CPED1: variants seen among roughly 807,000 people sequenced by gnomAD.
CPED1 encodes cadherin-like and PC-esterase domain-containing protein 1.
CPED1 carries 114 observed loss-of-function variants against 128.2 expected under a neutral mutation model. That is an observed-to-expected ratio of 0.89 (90% CI 0.76 to 1.04). The LOEUF (loss-of-function observed/expected upper bound fraction) is 1.04. Among genes scored for constraint, CPED1 ranks in the 50% least tolerant of loss-of-function variants. The probability of loss-of-function intolerance (pLI) is 0.00; values close to 1 mark genes in which losing one functional copy is unlikely to be tolerated. For missense variants in CPED1, 1,211 were observed against 1,207.1 expected (o/e 1.00, Z -0.05); for synonymous variants, 462 against 426.7 (o/e 1.08, Z -1.02).
At chr7:121,191,950 TTGA>T (rs1265112573) in intron 16 of CPED1, among the ~76,000 whole-genome samples, 1 of 152,126 alleles carries the variant, frequency 6.6e-6, no homozygotes, top group African/African-American at 2.4e-5. Context: ...AAACACTTCC[TTGA>T]TGATAAGTGA....
At chr7:121,029,382 T>A (rs1792674874) in intron 3 of CPED1, among the ~76,000 whole-genome samples, 1 of 152,190 alleles carries the variant, frequency 6.6e-6, no homozygotes, top group Non-Finnish European at 1.5e-5. Flanking sequence ...TGTTTTAAGA[T>A]TGAGGACTTT....
chr7:121,244,355 G>T lies in CPED1; in HGVS notation c.2310+17G>T, dbSNP rs1798474055. The stretch of plus-strand genomic sequence containing the variant: ...GGAAGGAAGGTAGGTTCTGGATCTA[G>T]TGGGGGAAGCCTTTAATGTATGCCA... On this transcript the variant is annotated intron_variant, in intron 18 of 22. Transcript: ENST00000310396. 2 of 1,613,908 alleles carry T rather than the reference G, an allele frequency of 1.2e-6. No homozygotes were observed. Among genetic ancestry groups the T allele is most frequent in the African/African-American group, 2.7e-5 (2 of 75,064 alleles).
intron 6 of CPED1, among the ~76,000 whole-genome samples, chr7:121,098,745 A>T (rs5742169): frequency 0.073 from 2,481 of 33,956 alleles, 135 homozygotes; most frequent in East Asian, 0.23. Context: ...TATATATATA[A>T]AAATATATAA....
chr7:121,047,734 G>C (rs116431092), intron 4 of CPED1, among the ~76,000 whole-genome samples: 1 of 128,594 alleles, frequency 7.8e-6, no homozygotes, highest in Admixed American at 7.6e-5. Context: ...TTTTTGAGAC[G>C]TAATCTTGCT....
chr7:121,242,815 C>T (rs990307132), intron 17 of CPED1, among the ~76,000 whole-genome samples: 3 of 151,986 alleles, frequency 2.0e-5, no homozygotes, highest in Non-Finnish European at 4.4e-5. Flanking sequence ...CCTTTCCCTC[C>T]GATTTTCTTT....
intron 2 of CPED1, among the ~76,000 whole-genome samples, chr7:121,015,066 G>A (rs576881684): frequency 9.2e-5 from 14 of 152,298 alleles, no homozygotes; most frequent in South Asian, 2.1e-4. Context: ...AGGGAATAAC[G>A]TAGAATTATG....
intron 2 of CPED1, among the ~76,000 whole-genome samples, chr7:121,003,201 A>G (rs1791912192): frequency 6.6e-6 from 1 of 152,198 alleles, no homozygotes; most frequent in Non-Finnish European, 1.5e-5. Flanking sequence ...GTCTTCCTTC[A>G]TTCAAAAGAT....
At chr7:121,249,886 C>T (rs1338355536) in intron 18 of CPED1, among the ~76,000 whole-genome samples, 2 of 151,992 alleles carry the variant, frequency 1.3e-5, no homozygotes, top group African/African-American at 4.8e-5. Flanking sequence ...AATTTAACAC[C>T]CCACTGTCAA....
In CPED1 at chr7:121,140,909, A is replaced by C; in HGVS notation, c.1782A>C (p.Lys594Asn). 1 of 1,612,584 alleles carries C rather than the reference A, an allele frequency of 6.2e-7. No homozygotes were observed. The highest frequency in any genetic ancestry group is 1.1e-5 in the South Asian group (1 of 91,018). The change falls in exon 15 of 23, where the codon AAA (lysine) becomes AAC (asparagine). Residue 594 changes from lysine (K) to asparagine (N), a missense_variant. Physicochemically the swap from Lys to Asn is moderately conservative, Grantham distance 94. Transcript: ENST00000310396. The part of the protein sequence containing the change: ...ELNPDFHPKI[K>N]DYYCEVPFDV... ...ATCCTGACTTTCATCCAAAGATCAA[A>C]GATTATTACTGTGAAGTCCCATTTG...
chr7:121,022,533 G>A (rs767845330), intron 3 of CPED1, among the ~76,000 whole-genome samples: 12 of 151,866 alleles, frequency 7.9e-5, no homozygotes, highest in Admixed American at 2.6e-4. Context: ...TACATATTCA[G>A]TTATAGGTGC....
At chr7:121,219,772 C>G (rs763336633) in intron 16 of CPED1, among the ~76,000 whole-genome samples, 5 of 151,994 alleles carry the variant, frequency 3.3e-5, no homozygotes, top group Non-Finnish European at 7.4e-5. Flanking sequence ...CTATCCTCTA[C>G]CCAACCTCAA....
chr7:120,996,412 T>C (rs1309149285), intron 2 of CPED1, among the ~76,000 whole-genome samples: 2 of 152,246 alleles, frequency 1.3e-5, no homozygotes, highest in South Asian at 2.1e-4. Flanking sequence ...ATATTTACAT[T>C]GTTGTGCAAA....
intron 22 of CPED1, among the ~76,000 whole-genome samples, chr7:121,283,499 A>C (rs1792502175): frequency 6.6e-6 from 1 of 152,238 alleles, no homozygotes; most frequent in African/African-American, 2.4e-5. Flanking sequence ...TCCTGTGCTA[A>C]GCTCTATGTT....
chr7:121,103,299 G>C (rs1794897317), intron 7 of CPED1, among the ~76,000 whole-genome samples: 1 of 152,078 alleles, frequency 6.6e-6, no homozygotes, highest in South Asian at 2.1e-4. Context: ...GATTATTCTG[G>C]ACAATACTGT....
At chr7:121,063,381 GAAAA>G (rs368502123) in intron 4 of CPED1, among the ~76,000 whole-genome samples, 6 of 67,042 alleles carry the variant, frequency 8.9e-5, no homozygotes, top group Admixed American at 7.3e-4. Flanking sequence ...TGAAGAAACT[GAAAA>G]AAAAAAAAAA....
intron 2 of CPED1, among the ~76,000 whole-genome samples, chr7:120,993,581 G>T (rs1431967099): frequency 6.6e-6 from 1 of 152,134 alleles, no homozygotes; most frequent in Non-Finnish European, 1.5e-5. Flanking sequence ...ATAGTAAATA[G>T]TATATTTAAC....
At chr7:121,275,574 T>C (rs769332917) in intron 22 of CPED1, among the ~76,000 whole-genome samples, 18 of 152,158 alleles carry the variant, frequency 1.2e-4, no homozygotes, top group Non-Finnish European at 2.6e-4. Flanking sequence ...TATGTTATTA[T>C]TCATTAGTCT....
intron 3 of CPED1, among the ~76,000 whole-genome samples, chr7:121,039,564 A>G (rs1473316582): frequency 6.6e-6 from 1 of 152,170 alleles, no homozygotes; most frequent in Admixed American, 6.6e-5. Flanking sequence ...GCTGCTGAGC[A>G]TTTCAGACAT....
chr7:121,107,907 A>C (rs1795016467), intron 7 of CPED1, among the ~76,000 whole-genome samples: 1 of 152,134 alleles, frequency 6.6e-6, no homozygotes, highest in Non-Finnish European at 1.5e-5. Context: ...CTGAAGGAAG[A>C]CAGGCTTTTG....
Sources: gnomAD v4.1 joint callset for allele counts (sites outside exome capture counted in the v4.1 genomes callset) on GRCh38, gnomAD v4.1.1 for gene constraint, MANE v1.5 for transcripts, NCBI Gene and HGNC (gene_info 2026-07-23, HGNC 2026-07-21) for gene names.